Variants in ARHGEF12 observed in about 807,000 individuals in gnomAD.
ARHGEF12 encodes the protein KMT2A/ARHGEF12 fusion protein.
Under a neutral mutation model 211.2 loss-of-function variants are expected in ARHGEF12, and 66 were observed. That is an observed-to-expected ratio of 0.31 (90% confidence interval 0.26 to 0.38). The LOEUF (loss-of-function observed/expected upper bound fraction) is 0.38. ARHGEF12 is among the 10% of genes least tolerant of loss of function. ARHGEF12 has a pLI of 1.00. For missense variants in ARHGEF12, 1,429 were observed against 1,869.5 expected (o/e 0.76, Z 4.34); for synonymous variants, 592 against 638.4 (o/e 0.93, Z 1.09).
chr11:120,395,499 A>G (rs1944355233), intron 1 of ARHGEF12, among the ~76,000 whole-genome samples: 1 of 152,218 alleles, frequency 6.6e-6, no homozygotes, highest in African/African-American at 2.4e-5. Flanking sequence ...AAAGAATTAT[A>G]GATATGTTGT....
At chr11:120,350,242 G>A (rs1470637588) in intron 1 of ARHGEF12, among the ~76,000 whole-genome samples, 3 of 152,254 alleles carry the variant, frequency 2.0e-5, no homozygotes, top group East Asian at 1.9e-4. Flanking sequence ...TGTGGCAGGC[G>A]CGGTGGCTCA....
intron 1 of ARHGEF12, among the ~76,000 whole-genome samples, chr11:120,351,165 C>T (rs1353502051): frequency 1.1e-4 from 16 of 150,818 alleles, no homozygotes; most frequent in Admixed American, 3.3e-4. Flanking sequence ...CTGGCTAACA[C>T]GGTGAAACCC....
intron 29 of ARHGEF12, 79 bp downstream of exon 29, chr11:120,467,387 A>G (rs1428399200): frequency 7.4e-6 from 6 of 813,856 alleles, no homozygotes; most frequent in Non-Finnish European, 9.9e-6. Flanking sequence ...AATATCTTAC[A>G]GCGTCCTGAA....
chr11:120,452,287 G>A (rs1301866805), intron 22 of ARHGEF12, among the ~76,000 whole-genome samples: 1 of 152,306 alleles, frequency 6.6e-6, no homozygotes, highest in East Asian at 1.9e-4. Flanking sequence ...TAAAGGGTAA[G>A]ACTATTTACT....
At chr11:120,465,853 A>G (rs2135931886) in intron 28 of ARHGEF12, among the ~76,000 whole-genome samples, 2 of 152,380 alleles carry the variant, frequency 1.3e-5, no homozygotes, top group Middle Eastern at 6.8e-3. Flanking sequence ...AATAAAAAAT[A>G]TATGTCAGGA....
In ARHGEF12 at chr11:120,486,474, C is replaced by T. The variant is rs551705142; in HGVS notation, c.*1397C>T. 2 of 230,974 alleles carry T rather than the reference C, an allele frequency of 8.7e-6. No homozygotes were observed. Among genetic ancestry groups the T allele is most frequent in the South Asian group, 1.8e-4 (1 of 5,502 alleles). 14.3% of individuals were successfully genotyped at this position (230,974 alleles called of 1,614,324 possible). A position where few individuals can be genotyped will look rare whatever the true frequency, so the allele number is the denominator to read the frequency against. ...AGGATGAATAGTAGCGTTAGCAGCA[C>T]CCTACAGAGGGTAAGTTTCAGAATT... On this transcript the variant is annotated 3_prime_UTR_variant, in exon 41 of 41. Coordinates refer to ENST00000397843, the MANE Select transcript of ARHGEF12 (RefSeq NM_015313.3).
chr11:120,376,849 T>C (rs1943741029), intron 1 of ARHGEF12, among the ~76,000 whole-genome samples: 1 of 152,168 alleles, frequency 6.6e-6, no homozygotes, highest in South Asian at 2.1e-4. Flanking sequence ...TGAGTTCAGA[T>C]GTTTTAATTT....
chr11:120,375,717 A>T (rs1172170900), intron 1 of ARHGEF12, among the ~76,000 whole-genome samples: 1 of 152,110 alleles, frequency 6.6e-6, no homozygotes, highest in Non-Finnish European at 1.5e-5. Context: ...TGTTAACATT[A>T]ATATTAATTA....
intron 1 of ARHGEF12, chr11:120,337,771 G>A (rs1240309054): frequency 2.3e-5 from 23 of 985,242 alleles, no homozygotes; most frequent in Non-Finnish European, 2.8e-5. Flanking sequence ...TGACCTGCAC[G>A]GTGTTTAATT....
intron 16 of ARHGEF12, 105 bp from the exon 17 acceptor site, chr11:120,446,298 C>T: frequency 1.6e-6 from 1 of 640,886 alleles, no homozygotes; most frequent in Non-Finnish European, 2.4e-6. Context: ...GAACTTCCCT[C>T]TGGCATATTC....
At position 120,458,093 on chromosome 11, in the gene ARHGEF12, G is replaced by A. The variant is rs1461672447; in HGVS notation, c.2239G>A (p.Ala747Thr). The A allele has an allele frequency of 1.2e-6, 2 of 1,608,594 alleles. No homozygotes were observed. Among genetic ancestry groups the A allele is most frequent in the Non-Finnish European group, 1.7e-6 (2 of 1,178,852 alleles). ...TTTTCTTCATAGGTTTGACAGTGTA[G>A]CTTTTGGAGAAAGTCAAAGTGAGGA... ...PKPFRKFDSV[A>T]FGESQSEDEQ... Residue 747 changes from alanine (A) to threonine (T), a missense_variant, in exon 25 of 41, where the codon GCT becomes ACT. Transcript: ENST00000397843.
At chr11:120,345,875 A>G (rs1942704801) in intron 1 of ARHGEF12, among the ~76,000 whole-genome samples, 1 of 152,102 alleles carries the variant, frequency 6.6e-6, no homozygotes, top group African/African-American at 2.4e-5. Context: ...AATAGTTCTT[A>G]TTCATTTTTA....
At chr11:120,428,845 A>G (rs902773725) in intron 8 of ARHGEF12, among the ~76,000 whole-genome samples, 2 of 152,338 alleles carry the variant, frequency 1.3e-5, no homozygotes, top group East Asian at 1.9e-4. Flanking sequence ...AAGGATGTGC[A>G]TAGTGGGAGA....
chr11:120,427,280 A>G (rs1019223151), intron 7 of ARHGEF12, among the ~76,000 whole-genome samples: 2 of 152,072 alleles, frequency 1.3e-5, no homozygotes, highest in Non-Finnish European at 1.5e-5. Flanking sequence ...ACTACTTATT[A>G]TTGATTGTGT....
rs1565514027 is a variant in ARHGEF12, at chr11:120,477,893, A to AAAAG, written c.3533-260_3533-259insGAAA. 6.0e-5 allele frequency among the ~76,000 whole-genome samples: 9 copies of AAAAG among 148,856 alleles called. No individual in the cohort carries two copies. The South Asian group carries it at 1.7e-3, about 29-fold the overall frequency. ...AAAAAAAGAAAAAAAGAAAAAAAAG[A>AAAAG]AAATAAAATAAAATGCAAAGAAACT... On this transcript the variant is annotated intron_variant, in intron 36 of 40. Coordinates refer to ENST00000397843, the MANE Select transcript of ARHGEF12 (RefSeq NM_015313.3).
intron 1 of ARHGEF12, among the ~76,000 whole-genome samples, chr11:120,363,564 A>G (rs1943338200): frequency 6.6e-6 from 1 of 152,252 alleles, no homozygotes; most frequent in Non-Finnish European, 1.5e-5. Context: ...CTTTAAAGAA[A>G]AACATTAGGT....
At chr11:120,479,601 A>C (rs1461279425) in intron 37 of ARHGEF12, among the ~76,000 whole-genome samples, 1 of 152,194 alleles carries the variant, frequency 6.6e-6, no homozygotes, top group Non-Finnish European at 1.5e-5. Flanking sequence ...CAACATTCTT[A>C]AGAAGTACCT....
At chr11:120,353,287 C>T (rs900593208) in intron 1 of ARHGEF12, among the ~76,000 whole-genome samples, 17 of 152,140 alleles carry the variant, frequency 1.1e-4, no homozygotes, top group African/African-American at 2.2e-4. Flanking sequence ...ACCTTGTGCC[C>T]GGTATTATAC....
chr11:120,387,537 A>G (rs1288535675), intron 1 of ARHGEF12, among the ~76,000 whole-genome samples: 3 of 152,140 alleles, frequency 2.0e-5, no homozygotes, highest in Non-Finnish European at 2.9e-5. Context: ...TTTCTATTAC[A>G]GTGATCCTTT....
Sources: allele counts gnomAD v4.1 joint callset (sites outside exome capture counted in the v4.1 genomes callset), GRCh38; gene constraint gnomAD v4.1.1; transcripts MANE v1.5; gene names NCBI Gene and HGNC (gene_info 2026-07-23, HGNC 2026-07-21).